Variants in PRAM1 observed in about 807,000 individuals in gnomAD.
PRAM1 encodes PML-RARA-regulated adapter molecule 1.
PRAM1 carries 41 observed loss-of-function variants against 55.3 expected under a neutral mutation model. The ratio of observed to expected loss-of-function variants is 0.74; its 90% CI spans 0.58 to 0.96. PRAM1 has a LOEUF of 0.96. Ranked by LOEUF, PRAM1 falls within the 40% of genes least tolerant of loss-of-function variation. The pLI, the probability that PRAM1 is intolerant of heterozygous loss-of-function variation, is 0.00. For missense variants in PRAM1, 898 were observed against 892.7 expected, an observed-to-expected ratio of 1.01 and a Z score of -0.08; for synonymous variants, 401 against 387.1, an observed-to-expected ratio of 1.04 and a Z score of -0.42.
intron 4 of PRAM1, among the ~76,000 whole-genome samples, chr19:8,496,686 C>A (rs926052212): frequency 6.6e-6 from 1 of 152,094 alleles, no homozygotes; most frequent in Non-Finnish European, 1.5e-5. Flanking sequence ...GATCACGGCA[C>A]TGCACTCCAG....
At chr19:8,494,587 A>G (rs1463477776) in intron 4 of PRAM1, among the ~76,000 whole-genome samples, 1 of 151,696 alleles carries the variant, frequency 6.6e-6, no homozygotes, top group Non-Finnish European at 1.5e-5. Context: ...TGTGCAAGCC[A>G]GGGCAAGCCC....
At chr19:8,491,320 G>GC in intron 4 of PRAM1, 163 bp from the exon 5 acceptor site, 3 of 716,350 alleles carry the variant, frequency 4.2e-6, no homozygotes, top group East Asian at 5.4e-5. Context: ...TGCAACCTTC[G>GC]CCTCCTGGGT....
rs753688898 is a variant in PRAM1 at position 8,499,505 on chromosome 19, A to G, written c.303T>C (p.Thr101=). Residue 101 remains threonine (T), a synonymous_variant, in exon 2 of 10, where the codon ACT becomes ACC. Coordinates refer to ENST00000423345, the MANE Select transcript of PRAM1 (RefSeq NM_032152.5). ...LPKKPPPPEV[T]DLPKKPPPPE... ...GCGGCGGGGGCTTCTTGGGGAGGTC[A>G]GTGACCTCAGGCGGCGGGGGCTTCT... 128 of 1,391,706 alleles carry G rather than the reference A, an allele frequency of 9.2e-5. No individual in the cohort carries two copies. Among genetic ancestry groups the G allele is most frequent in the Non-Finnish European group, 4.7e-5 (48 of 1,014,960 alleles). The allele number at this position is 1,391,706 out of a possible 1,614,324, so 86.2% of individuals were successfully genotyped here.
rs369144041 is a variant in PRAM1, at chr19:8,498,760, G to T, written c.1048C>A (p.Arg350Ser). 4.8e-5 allele frequency: 76 copies of T among 1,572,374 alleles called. No individual in the cohort carries two copies. Among genetic ancestry groups the T allele is most frequent in the Non-Finnish European group, 6.0e-5 (70 of 1,159,730 alleles). ...SLPRKLLQPE[R>S]RGPPRKFSQP... is the part of the protein sequence containing the mutation. ...GAGAACTTGCGGGGTGGCCCCCGGC[G>T]CTCCGGCTGCAGCAGCTTCCTGGGG... Residue 350 changes from arginine (R) to serine (S), a missense_variant, in exon 2 of 10, where the codon CGC becomes AGC. Arg to Ser is a moderately radical substitution (Grantham distance 110, BLOSUM62 -1). Transcript: ENST00000423345.
Position 8,490,123 on chromosome 19 carries a change from G to C in PRAM1, c.*66C>G. The C allele has an allele frequency of 7.0e-7, 1 of 1,423,344 alleles. No individual in the cohort carries two copies. The highest frequency in any genetic ancestry group is 9.4e-7 in the Non-Finnish European group (1 of 1,068,972). 88.2% of individuals were successfully genotyped at this position (1,423,344 alleles called of 1,614,324 possible). On this transcript the variant is annotated 3_prime_UTR_variant, in exon 10 of 10. Transcript: ENST00000423345. The surrounding 1 kb of genome is among the most constrained non-coding windows in gnomAD (Gnocchi z 7.3). Reference sequence around the variant, plus strand: ...CAGCTCTGTGACTTTCCCGCGCCGGGATCCAGGGCTCCTGGGTGAGCGGGC... The same window carrying C: ...CAGCTCTGTGACTTTCCCGCGCCGGCATCCAGGGCTCCTGGGTGAGCGGGC...
chr19:8,502,250 A>G (rs1971815828), intron 1 of PRAM1, among the ~76,000 whole-genome samples: 1 of 151,716 alleles, frequency 6.6e-6, no homozygotes, highest in Admixed American at 6.6e-5. Context: ...CACTGCTCTC[A>G]CCCCAGCAGC....
chr19:8,490,200 G>A lies in PRAM1; in HGVS notation c.2002C>T (p.Leu668=), dbSNP rs1332692402. 6.3e-6 allele frequency: 10 copies of A among 1,590,184 alleles called. No homozygotes were observed. In the Middle Eastern group the frequency reaches 1.0e-3, roughly 159 times the overall value. ...CDPLENQPLP[L]GR ...CACGCCTACCGGTCTTACCGTCCCA[G>A]GGGGAGTGGTTGGTTTTCCAGGGGA... Residue 668 remains leucine, a synonymous_variant, in exon 10 of 10, where the codon CTG becomes TTG. Coordinates refer to ENST00000423345, the MANE Select transcript of PRAM1 (RefSeq NM_032152.5). This position sits in a 1 kb window ranked among gnomAD's most constrained non-coding sequence, Gnocchi z 7.3.
rs964612624 is a variant in PRAM1, at chr19:8,498,783, G to T, written c.1025C>A (p.Pro342His). 12 of 1,576,252 alleles carry T rather than the reference G, an allele frequency of 7.6e-6. No individual in the cohort carries two copies. Among genetic ancestry groups the T allele is most frequent in the Non-Finnish European group, 1.0e-5 (12 of 1,161,732 alleles). ...TSSEPEFNSL[P>H]RKLLQPERRG... is the part of the protein sequence containing the mutation. ...GCGCTCCGGCTGCAGCAGCTTCCTG[G>T]GGAGTGAGTTGAACTCGGGCTCTGA... is the stretch of plus-strand genomic sequence containing the variant. Residue 342 changes from proline (P) to histidine (H), a missense_variant, in exon 2 of 10, where the codon CCC becomes CAC. By Grantham distance (77) the Pro-to-His change is moderately conservative (BLOSUM62 -2). This residue lies in a region of PRAM1 where 787 missense variants were observed against 735.4 expected (regional missense o/e 1.07). Coordinates refer to ENST00000423345, the MANE Select transcript of PRAM1 (RefSeq NM_032152.5).
At position 8,499,116 on chromosome 19, in the gene PRAM1, G is replaced by A. The variant is rs200185915; in HGVS notation, c.692C>T (p.Pro231Leu). ...FNVYPKKPPQ[P>L]QVGGLPKKSV... Reference sequence around the variant, plus strand: ...CTTCTTAGGGAGGCCACCGACCTGAGGCTGCGGAGGCTTTTTGGGGTACAC... The same window carrying A: ...CTTCTTAGGGAGGCCACCGACCTGAAGCTGCGGAGGCTTTTTGGGGTACAC... The change falls in exon 2 of 10, where the codon CCT becomes CTT. Residue 231 changes from proline to leucine, a missense_variant. By Grantham distance (98) the Pro-to-Leu change is moderately conservative. Coordinates refer to ENST00000423345, the MANE Select transcript of PRAM1 (RefSeq NM_032152.5). 5.6e-4 allele frequency: 903 copies of A among 1,613,568 alleles called. 1 individual carries two copies. Among genetic ancestry groups the A allele is most frequent in the Admixed American group, 1.3e-3 (77 of 59,966 alleles).
chr19:8,502,273 G>A (rs1971816043), intron 1 of PRAM1, among the ~76,000 whole-genome samples: 1 of 152,172 alleles, frequency 6.6e-6, no homozygotes, highest in African/African-American at 2.4e-5. Flanking sequence ...GTTCCCACAT[G>A]GCTGCTCATG....
intron 4 of PRAM1, chr19:8,491,480 G>A (rs1017534514): frequency 9.3e-6 from 4 of 432,248 alleles, no homozygotes; most frequent in African/African-American, 6.1e-5. Context: ...CAATCCACTC[G>A]CCTCGGCCTC....
chr19:8,494,183 G>A (rs1239100975), intron 4 of PRAM1, among the ~76,000 whole-genome samples: 2 of 152,214 alleles, frequency 1.3e-5, no homozygotes, highest in Non-Finnish European at 2.9e-5. Flanking sequence ...AATGGGCCAA[G>A]GGTGGGGACT....
In PRAM1 at chr19:8,499,342, A is replaced by G. The variant is rs1410771228; in HGVS notation, c.466T>C (p.Ser156Pro). 3 of 1,610,848 alleles carry G rather than the reference A, an allele frequency of 1.9e-6. No individual in the cohort carries two copies. In the East Asian group the frequency reaches 6.7e-5, roughly 36 times the overall value. ...PEVGEAPLKA[S>P]LPEPGAPARK... ...GCCGGCGCACCAGGCTCCGGCAGCG[A>G]GGCCTTCAAAGGGGCCTCACCGACC... is the stretch of plus-strand genomic sequence containing the variant. The change falls in exon 2 of 10, where the codon TCG becomes CCG. Residue 156 changes from serine (S) to proline (P), a missense_variant. Ser to Pro is a moderately conservative substitution (Grantham distance 74, BLOSUM62 -1). Coordinates refer to ENST00000423345, the MANE Select transcript of PRAM1 (RefSeq NM_032152.5).
chr19:8,491,257 G>A (rs369285080), intron 4 of PRAM1, 100 bp from the exon 5 acceptor site: 51 of 1,268,888 alleles, frequency 4.0e-5, no homozygotes, highest in African/African-American at 2.5e-4. Context: ...GTTTTGAGAC[G>A]AAGTCTTGCT....
In PRAM1 at chr19:8,499,206, G is replaced by C; in HGVS notation, c.602C>G (p.Thr201Ser). The change falls in exon 2 of 10, where the codon ACC becomes AGC. Residue 201 changes from threonine to serine, a missense_variant. Physicochemically the swap from Thr to Ser is moderately conservative, Grantham distance 58. Around this residue, in one of 4 missense-constraint regions of PRAM1, gnomAD observed 787 missense variants for 735.4 expected, o/e 1.07. Transcript: ENST00000423345. ...CAACTCAGGCTGCGGGGACCTCGGG[G>C]TAGCCTCACCGGCCTCGGGTTGCCA... ...KLWQPEAGEA[T>S]PRSPQPELST... The C allele has an allele frequency of 7.4e-6, 12 of 1,613,688 alleles. No individual in the cohort carries two copies. The highest frequency in any genetic ancestry group is 1.0e-5 in the Non-Finnish European group (12 of 1,179,728).
At position 8,502,603 on chromosome 19, in the gene PRAM1, G is replaced by T. The variant is rs1342251647; in HGVS notation, c.-12C>A. 6.4e-7 allele frequency: 1 copy of T among 1,550,510 alleles called. No individual in the cohort carries two copies. On this transcript the variant is annotated 5_prime_UTR_variant, in exon 1 of 10. Transcript: ENST00000423345. ...AGGTGATGGGCCATGGGATGAGTGG[G>T]ACCCGAGCTGGGGCCGCTGCCTTCA...
rs554539188 is a variant in PRAM1 at position 8,502,619 on chromosome 19, G to A, written c.-28C>T. 3.8e-5 allele frequency: 58 copies of A among 1,545,544 alleles called. 2 individuals are homozygous for A. In the South Asian group the frequency reaches 5.8e-4, roughly 16 times the overall value. ...GATGAGTGGGACCCGAGCTGGGGCC[G>A]CTGCCTTCAGGAAGTGACTGTGGCT... On this transcript the variant is annotated 5_prime_UTR_variant, in exon 1 of 10. Transcript: ENST00000423345.
At position 8,498,571 on chromosome 19, in the gene PRAM1, C is replaced by A. The variant is rs1568316648; in HGVS notation, c.1237G>T (p.Ala413Ser). ...RHPLSPGFGAAGTPRWRSGGL... is the reference protein window; with the variant it reads ...RHPLSPGFGASGTPRWRSGGL... ...CCTGACCTCCAGCGGGGTGTCCCAG[C>A]CGCTCCAAACCCAGGGCTGAGCGGG... is the stretch of plus-strand genomic sequence containing the variant. Residue 413 changes from alanine (A) to serine (S), a missense_variant, in exon 2 of 10, where the codon GCT becomes TCT. Transcript: ENST00000423345. 1.9e-6 allele frequency: 3 copies of A among 1,612,064 alleles called. No individual in the cohort carries two copies. The South Asian group carries it at 3.3e-5, about 18-fold the overall frequency.
In PRAM1 at chr19:8,493,757, C is replaced by CCG. The variant is rs1971660620; in HGVS notation, c.1577-2601_1577-2600insCG. Among the ~76,000 whole-genome samples the CCG allele has an allele frequency of 6.6e-6, 1 of 152,154 alleles. No homozygotes were observed. The highest frequency in any genetic ancestry group is 1.5e-5 in the Non-Finnish European group (1 of 68,028). On this transcript the variant is annotated intron_variant, in intron 4 of 9. Coordinates refer to ENST00000423345, the MANE Select transcript of PRAM1 (RefSeq NM_032152.5). This position sits in a 1 kb window ranked among gnomAD's most constrained non-coding sequence, Gnocchi z 4.1. ...TGCACCCACAGTGAGAAGCCCACGC[C>CCG]ACTCCTGAGAAGCGGGAGATCCAGG... is the stretch of plus-strand genomic sequence containing the variant.
Sources: gnomAD v4.1 joint callset for allele counts (sites outside exome capture counted in the v4.1 genomes callset) on GRCh38, gnomAD v4.1.1 for gene constraint, gnomAD v4.1.1 regional missense constraint, Gnocchi (gnomAD v3.1) non-coding constraint, MANE v1.5 for transcripts, NCBI Gene and HGNC (gene_info 2026-07-23, HGNC 2026-07-21) for gene names.